Variants in SCUBE1 observed in about 807,000 individuals in gnomAD.
SCUBE1 encodes the protein signal peptide, CUB and EGF-like domain-containing protein 1.
A neutral mutation model predicts 124.4 loss-of-function variants in SCUBE1; 59 were observed. That is an observed-to-expected ratio of 0.47 (90% confidence interval 0.38 to 0.59). The LOEUF (loss-of-function observed/expected upper bound fraction) is 0.59. Among genes scored for constraint, SCUBE1 ranks in the 20% least tolerant of loss-of-function variants. The pLI is 0.00. For missense variants in SCUBE1, 1,150 were observed against 1,371.2 expected, an observed-to-expected ratio of 0.84 and a Z score of 2.55; for synonymous variants, 545 against 550.9, an observed-to-expected ratio of 0.99 and a Z score of 0.15.
At chr22:43,341,236 G>T (rs1927306717) in intron 1 of SCUBE1, among the ~76,000 whole-genome samples, 1 of 152,216 alleles carries the variant, frequency 6.6e-6, no homozygotes, top group African/African-American at 2.4e-5. Context: ...GGCAGGAACT[G>T]GAGGGGGCCC....
chr22:43,228,249 A>G (rs2146675835), intron 9 of SCUBE1, among the ~76,000 whole-genome samples: 1 of 152,300 alleles, frequency 6.6e-6, no homozygotes, highest in African/African-American at 2.4e-5. Context: ...CCATGCCCAT[A>G]TAACACCAAG....
chr22:43,207,469 G>T, intron 21 of SCUBE1, 65 bp downstream of exon 21: 1 of 1,268,230 alleles, frequency 7.9e-7, no homozygotes, highest in Non-Finnish European at 1.2e-6. Flanking sequence ...GGGCAGGGGC[G>T]GTCCTGGCTC....
At chr22:43,266,088 G>T (rs1323376836) in intron 4 of SCUBE1, among the ~76,000 whole-genome samples, 2 of 152,064 alleles carry the variant, frequency 1.3e-5, no homozygotes, top group African/African-American at 4.8e-5. Flanking sequence ...GCGACAGAGT[G>T]AGACTCCATC....
chr22:43,225,348 C>T (rs1371172581), intron 10 of SCUBE1, among the ~76,000 whole-genome samples: 1 of 152,120 alleles, frequency 6.6e-6, no homozygotes, highest in Non-Finnish European at 1.5e-5. Context: ...AGGAGACAGA[C>T]AAACATTTGC....
chr22:43,281,661 C>T (rs1423320759), intron 4 of SCUBE1, among the ~76,000 whole-genome samples: 1 of 152,184 alleles, frequency 6.6e-6, no homozygotes, highest in East Asian at 1.9e-4. Flanking sequence ...TCGTCTCCCC[C>T]TCAGCCATCC....
intron 7 of SCUBE1, among the ~76,000 whole-genome samples, chr22:43,235,123 G>A (rs1569503404): frequency 6.6e-6 from 1 of 152,200 alleles, no homozygotes; most frequent in Admixed American, 6.5e-5. Context: ...CAGCGTGAGT[G>A]TCTAGGAACG....
intron 4 of SCUBE1, among the ~76,000 whole-genome samples, chr22:43,270,959 G>A (rs1050697453): frequency 1.1e-4 from 16 of 152,192 alleles, no homozygotes; most frequent in Admixed American, 7.9e-4. Flanking sequence ...CAGCTGACTT[G>A]TCCTTCTTCG....
At chr22:43,300,038 T>A (rs35410219) in intron 3 of SCUBE1, among the ~76,000 whole-genome samples, 1 of 152,194 alleles carries the variant, frequency 6.6e-6, no homozygotes, top group Non-Finnish European at 1.5e-5. Context: ...CTGATGGACA[T>A]CCGGGTTGTG....
intron 3 of SCUBE1, among the ~76,000 whole-genome samples, chr22:43,308,324 T>G (rs1569024331): frequency 6.6e-6 from 1 of 151,978 alleles, no homozygotes; most frequent in African/African-American, 2.4e-5. Context: ...GGGCCAAGAA[T>G]GGGAAAAGGT....
At chr22:43,328,749 C>G (rs142851600) in intron 2 of SCUBE1, among the ~76,000 whole-genome samples, 2 of 152,146 alleles carry the variant, frequency 1.3e-5, no homozygotes, top group African/African-American at 2.4e-5. Context: ...CCTTTCTCTC[C>G]GAATCCCCGG....
At chr22:43,236,276 C>T (rs1569503609) in intron 7 of SCUBE1, among the ~76,000 whole-genome samples, 1 of 152,178 alleles carries the variant, frequency 6.6e-6, no homozygotes. Flanking sequence ...GGCTGGAGGC[C>T]ACCGTCTGGT....
chr22:43,286,190 T>C (rs1016678307), intron 4 of SCUBE1, among the ~76,000 whole-genome samples: 16 of 152,254 alleles, frequency 1.1e-4, no homozygotes, highest in African/African-American at 3.9e-4. Flanking sequence ...TCAATACCTT[T>C]TTAACCCTAC....
In SCUBE1 at chr22:43,291,035, G is replaced by T; in HGVS notation, c.484+11C>A. 1 of 1,597,970 alleles carries T rather than the reference G, an allele frequency of 6.3e-7. No homozygotes were observed. The highest frequency in any genetic ancestry group is 8.5e-7 in the Non-Finnish European group (1 of 1,169,714). On this transcript the variant is annotated intron_variant, in intron 4 of 21. Transcript: ENST00000360835. The stretch of plus-strand genomic sequence containing the variant: ...GGGGGGACATGCCTGGTCAGCATAG[G>T]CTGTACTCACCATTGGAGCGGTGGA...
intron 11 of SCUBE1, 89 bp downstream of exon 11, chr22:43,223,008 T>C (rs187731929): frequency 5.0e-5 from 74 of 1,468,070 alleles, no homozygotes; most frequent in Admixed American, 2.9e-4. Flanking sequence ...TCAGACTCTT[T>C]CCTGGAGGAC....
chr22:43,204,075 T>G lies in SCUBE1; in HGVS notation c.2889A>C (p.Glu963Asp), dbSNP rs755741459. 6 of 1,613,906 alleles carry G rather than the reference T, an allele frequency of 3.7e-6. No homozygotes were observed. In the Admixed American group the frequency reaches 1.0e-4, roughly 27 times the overall value. Reference sequence around the variant, plus strand: ...AGGACCGTGGGAACATCTCCTTGGATTCCTGGGCTGTGTACTTGAAGTAGT... The same window carrying G: ...AGGACCGTGGGAACATCTCCTTGGAGTCCTGGGCTGTGTACTTGAAGTAGT... ...PQNYFKYTAQ[E>D]SKEMFPRSFI... Residue 963 changes from glutamate (E) to aspartate (D), a missense_variant, in exon 22 of 22, where the codon GAA becomes GAC. By Grantham distance (45) the Glu-to-Asp change is conservative. Around this residue, in one of 3 missense-constraint regions of SCUBE1, gnomAD observed 757 missense variants for 840.9 expected, o/e 0.90. Transcript: ENST00000360835.
intron 6 of SCUBE1, among the ~76,000 whole-genome samples, chr22:43,251,829 G>C (rs1488918312): frequency 6.6e-6 from 1 of 152,216 alleles, no homozygotes; most frequent in Non-Finnish European, 1.5e-5. Context: ...AAGAGGAGCG[G>C]AATGCTCCAC....
chr22:43,337,231 G>A (rs1251198428), intron 2 of SCUBE1, among the ~76,000 whole-genome samples: 1 of 152,046 alleles, frequency 6.6e-6, no homozygotes, highest in East Asian at 1.9e-4. Flanking sequence ...CTCCTAACTC[G>A]GGGGTCAAGC....
At chr22:43,302,958 T>C (rs1187208214) in intron 3 of SCUBE1, among the ~76,000 whole-genome samples, 1 of 152,218 alleles carries the variant, frequency 6.6e-6, no homozygotes, top group Non-Finnish European at 1.5e-5. Flanking sequence ...GTCCCACTCC[T>C]GTTGAAAAAC....
chr22:43,236,630 C>T (rs974071784), intron 7 of SCUBE1, among the ~76,000 whole-genome samples: 12 of 152,166 alleles, frequency 7.9e-5, no homozygotes, highest in Non-Finnish European at 1.6e-4. Context: ...GGTCCTTGAA[C>T]CCACAGGCCT....
Sources: gnomAD v4.1 joint callset for allele counts (sites outside exome capture counted in the v4.1 genomes callset) on GRCh38, gnomAD v4.1.1 for gene constraint, gnomAD v4.1.1 regional missense constraint, MANE v1.5 for transcripts, NCBI Gene and HGNC (gene_info 2026-07-23, HGNC 2026-07-21) for gene names.